The following DOCK4 variants were observed in gnomAD, a reference collection of about 807,000 sequenced individuals.
DOCK4 encodes dedicator of cytokinesis protein 4.
In DOCK4, 97 loss-of-function variants were observed where a neutral mutation model predicts 268.1. That is an observed-to-expected ratio of 0.36 (90% confidence interval 0.31 to 0.43). The LOEUF (loss-of-function observed/expected upper bound fraction) is 0.43, where lower values mean the gene tolerates loss of function less well. Among genes scored for constraint, DOCK4 ranks in the 20% least tolerant of loss-of-function variants. The probability of loss-of-function intolerance (pLI) is 1.00; values close to 1 mark genes in which losing one functional copy is unlikely to be tolerated. For synonymous variants in DOCK4, 954 were observed against 887.2 expected (o/e 1.08, Z -1.34); for missense variants, 2,145 against 2,455.7 (o/e 0.87, Z 2.67).
chr7:111,731,714 G>A (rs1795096442), intron 52 of DOCK4, among the ~76,000 whole-genome samples: 1 of 152,162 alleles, frequency 6.6e-6, no homozygotes, highest in African/African-American at 2.4e-5. Flanking sequence ...GATCAAGTAT[G>A]TATTTCTAAT....
intron 1 of DOCK4, among the ~76,000 whole-genome samples, chr7:112,150,674 T>C (rs1010989753): frequency 1.3e-5 from 2 of 152,142 alleles, no homozygotes; most frequent in African/African-American, 4.8e-5. Flanking sequence ...TCTTCCAGTT[T>C]TGAATAAAGC....
At chr7:111,750,093 C>T (rs1366191297) in intron 42 of DOCK4, among the ~76,000 whole-genome samples, 2 of 152,142 alleles carry the variant, frequency 1.3e-5, no homozygotes, top group African/African-American at 4.8e-5. Context: ...AATAAGGAGT[C>T]ATTGGAGAAA....
chr7:112,091,719 A>G (rs1350836617), intron 1 of DOCK4, among the ~76,000 whole-genome samples: 1 of 152,140 alleles, frequency 6.6e-6, no homozygotes, highest in African/African-American at 2.4e-5. Context: ...TTCCTCACCT[A>G]GAGAGGAAGG....
intron 1 of DOCK4, among the ~76,000 whole-genome samples, chr7:112,091,108 A>C (rs1809585850): frequency 6.6e-6 from 1 of 152,140 alleles, no homozygotes; most frequent in Non-Finnish European, 1.5e-5. Flanking sequence ...CTTTGTTATA[A>C]AATAAGGGAA....
chr7:111,792,860 T>C (rs763650201), intron 30 of DOCK4, among the ~76,000 whole-genome samples: 1 of 152,144 alleles, frequency 6.6e-6, no homozygotes, highest in Non-Finnish European at 1.5e-5. Context: ...CTCTGGATAA[T>C]CGCCTTATTT....
chr7:111,911,582 C>T (rs1792105639), intron 13 of DOCK4, among the ~76,000 whole-genome samples: 2 of 152,114 alleles, frequency 1.3e-5, no homozygotes, highest in Admixed American at 6.6e-5. Context: ...GTGTAGACTT[C>T]GCATTACAAG....
intron 1 of DOCK4, among the ~76,000 whole-genome samples, chr7:112,108,372 A>C (rs189188835): frequency 4.5e-4 from 68 of 152,334 alleles, no homozygotes; most frequent in African/African-American, 1.6e-3. Flanking sequence ...ACTGATCTAA[A>C]CAAAGCCCTC....
At chr7:111,788,267 A>T (rs1799307948) in intron 32 of DOCK4, among the ~76,000 whole-genome samples, 1 of 152,224 alleles carries the variant, frequency 6.6e-6, no homozygotes, top group Admixed American at 6.5e-5. Flanking sequence ...TCCAACAGCA[A>T]ATCAGCATCA....
Position 111,806,802 on chromosome 7 carries a change from C to T in DOCK4, c.3166+2019G>A, listed in dbSNP as rs915377268. On this transcript the variant is annotated intron_variant, in intron 30 of 52. Transcript: ENST00000428084. ...TTACAAGCTTCCAAGGATGCTGATG[C>T]TACAGTATAACAAAATACTGCATTA... Among the ~76,000 whole-genome samples the T allele has an allele frequency of 3.3e-5, 5 of 152,270 alleles. No individual in the cohort carries two copies. In the East Asian group the frequency reaches 7.7e-4, roughly 24 times the overall value.
intron 7 of DOCK4, among the ~76,000 whole-genome samples, chr7:111,980,033 T>A (rs530469627): frequency 6.6e-6 from 1 of 152,348 alleles, no homozygotes; most frequent in East Asian, 1.9e-4. Context: ...TGAGAATCAC[T>A]GATCAGGATC....
intron 1 of DOCK4, among the ~76,000 whole-genome samples, chr7:112,191,877 A>G (rs1416817308): frequency 6.6e-6 from 1 of 151,010 alleles, no homozygotes; most frequent in African/African-American, 2.4e-5. Context: ...CTGCCTGCCC[A>G]CTCTTATTTT....
At chr7:111,980,900 T>C (rs1798560099) in intron 7 of DOCK4, among the ~76,000 whole-genome samples, 1 of 152,240 alleles carries the variant, frequency 6.6e-6, no homozygotes, top group Non-Finnish European at 1.5e-5. Context: ...AGCTGGCTAA[T>C]AAGGCTCCCT....
At chr7:111,899,489 G>T (rs535888541) in intron 15 of DOCK4, among the ~76,000 whole-genome samples, 4 of 152,278 alleles carry the variant, frequency 2.6e-5, no homozygotes, top group African/African-American at 7.2e-5. Flanking sequence ...GGGGGTAGTT[G>T]GGGGAGAGAG....
chr7:111,735,031 ATTCAAATTC>A lies in DOCK4; in HGVS notation c.5419+14_5419+22del, dbSNP rs1795372291. On this transcript the variant is annotated intron_variant, in intron 51 of 52. Transcript: ENST00000428084. ...TAAAAGTTATTTTATAAAAGTGATC[ATTCAAATTC>A]TTCAAATACCCACCAGTCTGTGTGG... 6.6e-7 allele frequency: 1 copy of A among 1,516,832 alleles called. No homozygotes were observed. Among genetic ancestry groups the A allele is most frequent in the Admixed American group, 1.9e-5 (1 of 51,648 alleles). The allele number at this position is 1,516,832 out of a possible 1,614,324, so 94.0% of individuals were successfully genotyped here.
chr7:111,741,748 T>C, intron 45 of DOCK4, 87 bp from the exon 46 acceptor site: 6 of 1,479,784 alleles, frequency 4.1e-6, no homozygotes, highest in Non-Finnish European at 5.4e-6. Context: ...TAGGCACACA[T>C]CCTAATTGCC....
intron 1 of DOCK4, among the ~76,000 whole-genome samples, chr7:112,194,061 T>C (rs1820207389): frequency 1.3e-5 from 2 of 152,142 alleles, no homozygotes; most frequent in South Asian, 4.1e-4. Flanking sequence ...ACTCCATATA[T>C]ATCCATATTG....
chr7:112,000,838 T>C (rs1800365282), intron 2 of DOCK4, among the ~76,000 whole-genome samples: 1 of 152,242 alleles, frequency 6.6e-6, no homozygotes, highest in Non-Finnish European at 1.5e-5. Flanking sequence ...TGCTTCTTAT[T>C]GTCTGTTTAA....
intron 45 of DOCK4, 24 bp from the exon 46 acceptor site, chr7:111,741,685 T>C: frequency 1.2e-6 from 2 of 1,609,514 alleles, no homozygotes; most frequent in African/African-American, 1.3e-5. Flanking sequence ...AAAGGAAATA[T>C]CTCATTACAG....
chr7:112,041,163 T>A (rs933787140), intron 1 of DOCK4, among the ~76,000 whole-genome samples: 30 of 152,196 alleles, frequency 2.0e-4, no homozygotes, highest in Non-Finnish European at 4.1e-4. Flanking sequence ...GAGTCTCCAA[T>A]ACCCATCTAT....
Sources: gnomAD v4.1 joint callset for allele counts (sites outside exome capture counted in the v4.1 genomes callset) on GRCh38, gnomAD v4.1.1 for gene constraint, MANE v1.5 for transcripts, NCBI Gene and HGNC (gene_info 2026-07-23, HGNC 2026-07-21) for gene names.